The following CPN1 variants were observed in gnomAD, a reference collection of about 807,000 sequenced individuals.
CPN1 encodes carboxypeptidase N subunit 1.
A neutral mutation model predicts 46.4 loss-of-function variants in CPN1; 37 were observed. That is an observed-to-expected ratio of 0.80 (90% CI 0.61 to 1.05). The LOEUF is 1.05. CPN1 is among the 50% of genes least tolerant of loss of function. CPN1 has a pLI of 0.00. For synonymous variants in CPN1, 224 were observed against 235.4 expected (o/e 0.95, Z 0.44); for missense variants, 563 against 602.6 (o/e 0.93, Z 0.69).
At chr10:100,050,167 A>T (rs558205982) in intron 7 of CPN1, among the ~76,000 whole-genome samples, 1 of 151,732 alleles carries the variant, frequency 6.6e-6, no homozygotes, top group Non-Finnish European at 1.5e-5. Context: ...AGCCTGGCCA[A>T]CATGGTGAAA....
At chr10:100,073,495 C>T (rs867091306) in intron 2 of CPN1, among the ~76,000 whole-genome samples, 2 of 151,998 alleles carry the variant, frequency 1.3e-5, no homozygotes, top group East Asian at 3.8e-4. Flanking sequence ...TAAAACAGCA[C>T]GAGTGTATTG....
rs2041447850 is a variant in CPN1, at chr10:100,065,261, G to A, written c.686C>T (p.Ser229Phe). 6.2e-7 allele frequency: 1 copy of A among 1,614,048 alleles called. No homozygotes were observed. Among genetic ancestry groups the A allele is most frequent in the Admixed American group, 1.7e-5 (1 of 59,996 alleles). The change falls in exon 4 of 9, where the codon TCC becomes TTC. Residue 229 changes from serine (S) to phenylalanine (F), a missense_variant. Transcript: ENST00000370418. ...AVVANYPYDKSFEHRVRGVRR... is the reference protein window; with the variant it reads ...AVVANYPYDKFFEHRVRGVRR... The stretch of plus-strand genomic sequence containing the variant: ...GACCCCTCGGACCCGGTGCTCAAAG[G>A]ACTTGTCATACGGGTAATTGGCCAC...
chr10:100,081,771 T>C lies in CPN1; in HGVS notation c.-146A>G. The C allele has an allele frequency of 1.4e-6, 1 of 706,712 alleles. No individual in the cohort carries two copies. Among genetic ancestry groups the C allele is most frequent in the South Asian group, 1.5e-5 (1 of 66,220 alleles). 43.8% of individuals were successfully genotyped at this position (706,712 alleles called of 1,614,324 possible). ...ATTGGAAGACGTTCCCAGCTGTCCG[T>C]CCAAGGCTGGAAATTCTTTATGTCG... is the stretch of plus-strand genomic sequence containing the variant. On this transcript the variant is annotated 5_prime_UTR_variant, in exon 1 of 9. Transcript: ENST00000370418.
At chr10:100,081,028 G>A (rs1422585132) in intron 1 of CPN1, among the ~76,000 whole-genome samples, 1 of 152,180 alleles carries the variant, frequency 6.6e-6, no homozygotes, top group East Asian at 1.9e-4. Context: ...AGAACTAGAA[G>A]GGCTCATTGT....
intron 5 of CPN1, among the ~76,000 whole-genome samples, chr10:100,062,766 CTTT>C (rs34889268): frequency 1.4e-5 from 2 of 140,834 alleles, no homozygotes; most frequent in African/African-American, 2.6e-5. Context: ...CCTAATTTTT[CTTT>C]TTTTTTTTTT....
At chr10:100,046,938 G>T (rs754809075) in intron 8 of CPN1, among the ~76,000 whole-genome samples, 9 of 152,010 alleles carry the variant, frequency 5.9e-5, no homozygotes, top group Non-Finnish European at 1.3e-4. Context: ...GCTGAAGATG[G>T]TGGCACATGC....
At chr10:100,075,260 A>T (rs1045601257) in intron 2 of CPN1, among the ~76,000 whole-genome samples, 1 of 152,214 alleles carries the variant, frequency 6.6e-6, no homozygotes, top group African/African-American at 2.4e-5. Context: ...ACTGCACTCC[A>T]GCCTGGGCAA....
At chr10:100,068,213 C>CTT (rs565871714) in intron 3 of CPN1, among the ~76,000 whole-genome samples, 39 of 127,300 alleles carry the variant, frequency 3.1e-4, no homozygotes, top group African/African-American at 7.3e-4. Flanking sequence ...ATTCCCTGAA[C>CTT]TTTTTTTTTT....
chr10:100,068,547 T>G lies in CPN1; in HGVS notation c.576+1167A>C, dbSNP rs548846260. 4.4e-4 allele frequency among the ~76,000 whole-genome samples: 67 copies of G among 151,870 alleles called. 3 individuals are homozygous for G. The East Asian group carries it at 6.6e-3, about 15-fold the overall frequency. On this transcript the variant is annotated intron_variant, in intron 3 of 8. Transcript: ENST00000370418. ...AAGGGTTAGATTCCTTGAACTTTTT[T>G]TTTGTTTGTTTGTTTTGGAGACAGG...
Position 100,042,431 on chromosome 10 carries a change from G to A in CPN1, c.1373C>T (p.Ala458Val). Residue 458 changes from alanine (A) to valine (V), a missense_variant, in exon 9 of 9, where the codon GCC (alanine) becomes GTC (valine). Physicochemically the swap from Ala to Val is moderately conservative, Grantham distance 64. Coordinates refer to ENST00000370418, the MANE Select transcript of CPN1 (RefSeq NM_001308.3). ...GGTTGCCTGGCACTGTGGGTTTCAG[G>A]CAGGGCCTCTCTGCAGCTGCCTCAT... ...MEMRQLQRGP[A>V] is the part of the protein sequence containing the mutation. The A allele has an allele frequency of 6.2e-7, 1 of 1,613,036 alleles. No individual in the cohort carries two copies. Among genetic ancestry groups the A allele is most frequent in the Non-Finnish European group, 8.5e-7 (1 of 1,179,990 alleles).
At chr10:100,054,260 A>T in intron 7 of CPN1, 87 bp downstream of exon 7, 1 of 1,048,780 alleles carries the variant, frequency 9.5e-7, no homozygotes, top group Non-Finnish European at 1.5e-6. Context: ...TGCTGGTTTC[A>T]CTAGCTTACA....
chr10:100,074,040 C>A (rs529438715), intron 2 of CPN1, among the ~76,000 whole-genome samples: 3 of 152,164 alleles, frequency 2.0e-5, no homozygotes, highest in Admixed American at 1.3e-4. Context: ...CCCATCCCCC[C>A]CCCACAATAC....
intron 8 of CPN1, among the ~76,000 whole-genome samples, chr10:100,045,357 GA>G (rs1229291361): frequency 6.6e-6 from 1 of 152,068 alleles, no homozygotes; most frequent in East Asian, 1.9e-4. Context: ...GATATAACAA[GA>G]AAAAAGGGAA....
intron 6 of CPN1, 127 bp from the exon 7 acceptor site, chr10:100,054,573 C>G: frequency 1.3e-6 from 1 of 752,322 alleles, no homozygotes. Flanking sequence ...GTAATAGTCC[C>G]TTAACTGGTC....
intron 2 of CPN1, among the ~76,000 whole-genome samples, chr10:100,073,057 C>A (rs533261086): frequency 6.6e-6 from 1 of 152,124 alleles, no homozygotes; most frequent in African/African-American, 2.4e-5. Flanking sequence ...CAATAAAATG[C>A]GGCAGATTAC....
chr10:100,057,072 C>T lies in CPN1; in HGVS notation c.952G>A (p.Glu318Lys), dbSNP rs2133433202. Residue 318 changes from glutamate to lysine, a missense_variant, in exon 6 of 9, where the codon GAG becomes AAG. Coordinates refer to ENST00000370418, the MANE Select transcript of CPN1 (RefSeq NM_001308.3). ...ELSCDKFPPE[E>K]ELQREWLGNR... ...CCCAGCCACTCCCGCTGTAACTCCT[C>T]TTCGGGGGGAAACTTGTCGCAACTC... 2 of 1,614,178 alleles carry T rather than the reference C, an allele frequency of 1.2e-6. No individual in the cohort carries two copies. Among genetic ancestry groups the T allele is most frequent in the Admixed American group, 1.7e-5 (1 of 60,006 alleles).
intron 4 of CPN1, 67 bp from the exon 5 acceptor site, chr10:100,063,792 C>T: frequency 8.2e-7 from 1 of 1,216,346 alleles, no homozygotes; most frequent in Non-Finnish European, 1.2e-6. Context: ...CTCCTACTCA[C>T]AACTAGGTTG....
At chr10:100,063,422 T>C (rs2041432482) in intron 5 of CPN1, among the ~76,000 whole-genome samples, 192 bp downstream of exon 5, 1 of 152,080 alleles carries the variant, frequency 6.6e-6, no homozygotes, top group South Asian at 2.1e-4. Flanking sequence ...TGCCCAGCCA[T>C]CCCCACCTTA....
At chr10:100,050,215 G>A (rs750281276) in intron 7 of CPN1, among the ~76,000 whole-genome samples, 4 of 152,124 alleles carry the variant, frequency 2.6e-5, no homozygotes, top group East Asian at 3.9e-4. Context: ...TTAGCCAGGC[G>A]TGGTGGCACA....
Sources: allele counts gnomAD v4.1 joint callset (sites outside exome capture counted in the v4.1 genomes callset), GRCh38; gene constraint gnomAD v4.1.1; transcripts MANE v1.5; gene names NCBI Gene and HGNC (gene_info 2026-07-23, HGNC 2026-07-21).